ZNHIT6: variants seen among roughly 807,000 people sequenced by gnomAD.
ZNHIT6 encodes box C/D snoRNA protein 1.
ZNHIT6 carries 45 observed loss-of-function variants against 57.2 expected under a neutral mutation model. The ratio of observed to expected loss-of-function variants is 0.79; its 90% CI spans 0.62 to 1.01. ZNHIT6 has a LOEUF of 1.01. Among genes scored for constraint, ZNHIT6 ranks in the 50% least tolerant of loss-of-function variants. ZNHIT6 has a pLI of 0.00. For missense variants in ZNHIT6, 528 were observed against 567.3 expected, an observed-to-expected ratio of 0.93 and a Z score of 0.70; for synonymous variants, 188 against 190.0, an observed-to-expected ratio of 0.99 and a Z score of 0.09.
At chr1:85,667,238 T>C (rs1422763460) in intron 8 of ZNHIT6, among the ~76,000 whole-genome samples, 1 of 152,144 alleles carries the variant, frequency 6.6e-6, no homozygotes, top group Non-Finnish European at 1.5e-5. Context: ...TTACAATATG[T>C]ACGAAGTGCT....
At chr1:85,655,189 TG>T (rs1354330767) in intron 9 of ZNHIT6, among the ~76,000 whole-genome samples, 5 of 152,228 alleles carry the variant, frequency 3.3e-5, no homozygotes, top group Non-Finnish European at 5.9e-5. Flanking sequence ...TTTCCTTCTC[TG>T]GCTGTCTCTG....
chr1:85,679,557 T>G (rs1027454755), intron 6 of ZNHIT6, among the ~76,000 whole-genome samples: 1 of 119,276 alleles, frequency 8.4e-6, no homozygotes, highest in Non-Finnish European at 1.7e-5. Context: ...TCACAAACAT[T>G]AAAATGTTTT....
At chr1:85,698,563 G>A (rs1227526408) in intron 5 of ZNHIT6, among the ~76,000 whole-genome samples, 2 of 152,114 alleles carry the variant, frequency 1.3e-5, no homozygotes, top group Admixed American at 6.5e-5. Flanking sequence ...GTGAAAACAT[G>A]TAAATTTTAA....
chr1:85,678,365 T>C (rs1246177490), intron 7 of ZNHIT6, among the ~76,000 whole-genome samples: 1 of 152,204 alleles, frequency 6.6e-6, no homozygotes, highest in African/African-American at 2.4e-5. Flanking sequence ...GTGTGAATCC[T>C]AGCTTCCCTG....
chr1:85,667,961 A>AAAAAAAAAAAAAAAAAAAATGTAT lies in ZNHIT6; in HGVS notation c.1247+9274_1247+9275insATACATTTTTTTTTTTTTTTTTTT. Among the ~76,000 whole-genome samples, 131 of 18,174 alleles carry AAAAAAAAAAAAAAAAAAAATGTAT rather than the reference A, an allele frequency of 7.2e-3. 36 individuals carry two copies. The highest frequency in any genetic ancestry group is 0.027 in the African/African-American group (126 of 4,686). The allele number at this position is 18,174 out of a possible 152,430, so 11.9% of individuals were successfully genotyped here. The stretch of plus-strand genomic sequence containing the variant: ...ACTCTCTCTTTCAAAAAAAAAAAAA[A>AAAAAAAAAAAAAAAAAAAATGTAT]ATATATATATATATATATATATATG... On this transcript the variant is annotated intron_variant, in intron 8 of 9. Coordinates refer to ENST00000370574, the MANE Select transcript of ZNHIT6 (RefSeq NM_017953.4).
chr1:85,691,466 A>T (rs529951914), intron 5 of ZNHIT6, among the ~76,000 whole-genome samples: 22 of 152,362 alleles, frequency 1.4e-4, no homozygotes, highest in African/African-American at 4.8e-4. Context: ...CAAAAATGAG[A>T]TGACAAATTT....
intron 8 of ZNHIT6, among the ~76,000 whole-genome samples, chr1:85,668,045 AGAAT>A: frequency 7.0e-6 from 1 of 142,840 alleles, no homozygotes; most frequent in African/African-American, 2.6e-5. Context: ...ATTCTCTTGC[AGAAT>A]TTTATACCAA....
chr1:85,701,870 G>A (rs527806140), intron 5 of ZNHIT6, among the ~76,000 whole-genome samples: 15 of 152,000 alleles, frequency 9.9e-5, no homozygotes, highest in African/African-American at 3.4e-4. Context: ...ATCACAACAA[G>A]CATACTTAAC....
At chr1:85,701,906 C>A (rs983640623) in intron 5 of ZNHIT6, among the ~76,000 whole-genome samples, 1 of 151,520 alleles carries the variant, frequency 6.6e-6, no homozygotes, top group South Asian at 2.1e-4. Flanking sequence ...CTGGTATGCA[C>A]ATTAATGTTT....
intron 5 of ZNHIT6, among the ~76,000 whole-genome samples, chr1:85,699,970 C>A (rs551190800): frequency 3.6e-4 from 54 of 152,100 alleles, no homozygotes; most frequent in African/African-American, 1.3e-3. Flanking sequence ...AAAGGAGGTG[C>A]ATTTATTCAT....
rs771138621 is a variant in ZNHIT6, at chr1:85,707,832, T to G, written c.453A>C (p.Glu151Asp). Residue 151 changes from glutamate (E) to aspartate (D), a missense_variant, in exon 1 of 10, where the codon GAA becomes GAC. By Grantham distance (45) the Glu-to-Asp change is conservative. Transcript: ENST00000370574. ...KVKEEVMDWS[E>D]VKEEKDNLEI... ...CCAAGTTATCCTTCTCTTCCTTCACTTCTGACCAGTCCATTACCTCTTCCT... is the reference window on the plus strand; with the variant it reads ...CCAAGTTATCCTTCTCTTCCTTCACGTCTGACCAGTCCATTACCTCTTCCT... The G allele has an allele frequency of 4.3e-6, 7 of 1,614,030 alleles. No individual in the cohort carries two copies. In the Admixed American group the frequency reaches 1.2e-4, roughly 27 times the overall value.
chr1:85,660,685 T>G (rs535052809), intron 8 of ZNHIT6, among the ~76,000 whole-genome samples: 2 of 152,240 alleles, frequency 1.3e-5, no homozygotes, highest in African/African-American at 4.8e-5. Context: ...TTACACTTAT[T>G]TGGATCCTGA....
chr1:85,660,273 C>T (rs1280305128), intron 8 of ZNHIT6, among the ~76,000 whole-genome samples: 1 of 152,094 alleles, frequency 6.6e-6, no homozygotes, highest in Non-Finnish European at 1.5e-5. Context: ...CAAGTGGCAT[C>T]CTACAAGCAC....
chr1:85,696,682 T>C (rs1662380457), intron 5 of ZNHIT6, among the ~76,000 whole-genome samples: 1 of 152,094 alleles, frequency 6.6e-6, no homozygotes, highest in Non-Finnish European at 1.5e-5. Context: ...TATAACATTC[T>C]GAGAAACATT....
chr1:85,672,589 T>A (rs1379285552), intron 8 of ZNHIT6, among the ~76,000 whole-genome samples: 3 of 152,164 alleles, frequency 2.0e-5, no homozygotes, highest in African/African-American at 7.2e-5. Flanking sequence ...TGAGGATACC[T>A]GCTACCTTCC....
chr1:85,697,433 T>C (rs1662407949), intron 5 of ZNHIT6, among the ~76,000 whole-genome samples: 1 of 152,210 alleles, frequency 6.6e-6, no homozygotes. Context: ...TGTTATTTAG[T>C]AAAAGATTCA....
intron 9 of ZNHIT6, among the ~76,000 whole-genome samples, chr1:85,657,255 A>C (rs749960933): frequency 2.0e-5 from 3 of 152,032 alleles, no homozygotes; most frequent in Non-Finnish European, 4.4e-5. Context: ...TCCCTATATC[A>C]CAAAATCAGA....
intron 7 of ZNHIT6, among the ~76,000 whole-genome samples, chr1:85,678,295 A>G (rs1661763762): frequency 6.6e-6 from 1 of 152,106 alleles, no homozygotes; most frequent in African/African-American, 2.4e-5. Context: ...TTTTCGTTCA[A>G]CCTCAAAGGT....
intron 5 of ZNHIT6, among the ~76,000 whole-genome samples, chr1:85,683,936 A>G (rs1661953340): frequency 6.6e-6 from 1 of 152,060 alleles, no homozygotes; most frequent in Admixed American, 6.6e-5. Context: ...TCATACACCC[A>G]GTTGTGGCCA....
Sources: gnomAD v4.1 joint callset for allele counts (sites outside exome capture counted in the v4.1 genomes callset) on GRCh38, gnomAD v4.1.1 for gene constraint, MANE v1.5 for transcripts, NCBI Gene and HGNC (gene_info 2026-07-23, HGNC 2026-07-21) for gene names.